Variants in RIT2 observed in about 807,000 individuals in gnomAD.
RIT2 encodes Ras like without CAAX 2.
Under a neutral mutation model 23.7 loss-of-function variants are expected in RIT2, and 24 were observed. That is an observed-to-expected ratio of 1.01 (90% CI 0.73 to 1.43). The LOEUF (loss-of-function observed/expected upper bound fraction) is 1.43. RIT2 is among the 40% of genes most tolerant of loss of function. The probability of loss-of-function intolerance (pLI) is 0.00; values close to 1 mark genes in which losing one functional copy is unlikely to be tolerated. For synonymous variants in RIT2, 107 were observed against 91.1 expected, an observed-to-expected ratio of 1.17 and a Z score of -0.99; for missense variants, 236 against 266.9, an observed-to-expected ratio of 0.88 and a Z score of 0.81.
intron 4 of RIT2, among the ~76,000 whole-genome samples, chr18:42,786,991 T>G: frequency 6.6e-6 from 1 of 152,008 alleles, no homozygotes. Context: ...TTTCAAAGAG[T>G]AAAATGAAAT....
chr18:42,990,321 C>A (rs995156909), intron 2 of RIT2, among the ~76,000 whole-genome samples: 15 of 152,148 alleles, frequency 9.9e-5, no homozygotes, highest in Admixed American at 6.5e-4. Context: ...TTAGGGAGGG[C>A]GATTTGCTTT....
chr18:42,918,629 C>T (rs1306555780), intron 4 of RIT2, among the ~76,000 whole-genome samples: 2 of 152,094 alleles, frequency 1.3e-5, no homozygotes, highest in African/African-American at 4.8e-5. Flanking sequence ...TACTGCATTA[C>T]ATTATATCCA....
chr18:43,027,242 C>T (rs1240131667), intron 2 of RIT2, among the ~76,000 whole-genome samples: 12 of 152,038 alleles, frequency 7.9e-5, no homozygotes, highest in Admixed American at 7.9e-4. Flanking sequence ...TCTGGTGGTA[C>T]ATTCAACTCT....
chr18:43,018,776 A>G (rs1911531763), intron 2 of RIT2, among the ~76,000 whole-genome samples: 2 of 152,086 alleles, frequency 1.3e-5, no homozygotes, highest in African/African-American at 4.8e-5. Context: ...ATTTGTCACC[A>G]CTAGACTAGC....
chr18:42,957,238 T>C (rs758423617), intron 3 of RIT2, among the ~76,000 whole-genome samples: 2 of 152,184 alleles, frequency 1.3e-5, no homozygotes, highest in Non-Finnish European at 2.9e-5. Context: ...AAAATATCCA[T>C]AATGCATCCT....
At position 43,071,884 on chromosome 18, in the gene RIT2, T is replaced by C. The variant is rs9954762; in HGVS notation, c.104-38017A>G. Reference sequence around the variant, plus strand: ...GTGAACTGGAAGCATACTATACCTTTTTTTGTTCATTTATTCCCCTTCTGA... The same window carrying C: ...GTGAACTGGAAGCATACTATACCTTCTTTTGTTCATTTATTCCCCTTCTGA... On this transcript the variant is annotated intron_variant, in intron 1 of 4. Coordinates refer to ENST00000326695, the MANE Select transcript of RIT2 (RefSeq NM_002930.4). Among the ~76,000 whole-genome samples, 1,388 of 152,252 alleles carry C rather than the reference T, an allele frequency of 9.1e-3. 38 individuals carry two copies. Among genetic ancestry groups the C allele is most frequent in the African/African-American group, 0.032 (1,322 of 41,546 alleles).
At chr18:42,963,064 T>C (rs768625911) in intron 3 of RIT2, among the ~76,000 whole-genome samples, 1 of 152,286 alleles carries the variant, frequency 6.6e-6, no homozygotes, top group South Asian at 2.1e-4. Context: ...CCACGTTCCT[T>C]GAATAGGAGC....
chr18:42,907,377 T>A (rs1343379412), intron 4 of RIT2, among the ~76,000 whole-genome samples: 1 of 152,124 alleles, frequency 6.6e-6, no homozygotes, highest in African/African-American at 2.4e-5. Flanking sequence ...TGGACAAGGA[T>A]CCTGCTTAGA....
chr18:42,844,810 G>A (rs559593694), intron 4 of RIT2, among the ~76,000 whole-genome samples: 60 of 152,264 alleles, frequency 3.9e-4, no homozygotes, highest in Middle Eastern at 3.4e-3. Context: ...ACCTTGGCTT[G>A]AAGGTGGGGT....
At chr18:42,926,902 T>A (rs962457991) in intron 3 of RIT2, among the ~76,000 whole-genome samples, 2 of 151,942 alleles carry the variant, frequency 1.3e-5, no homozygotes, top group African/African-American at 4.8e-5. Flanking sequence ...CCTCTAGGAC[T>A]GTTACTTACT....
At chr18:43,025,215 A>C (rs1911685611) in intron 2 of RIT2, among the ~76,000 whole-genome samples, 2 of 148,074 alleles carry the variant, frequency 1.4e-5, no homozygotes, top group African/African-American at 5.0e-5. Context: ...TCTAAAAAAA[A>C]CAAAACAAAA....
chr18:43,047,556 C>G (rs546749149), intron 1 of RIT2, among the ~76,000 whole-genome samples: 1 of 151,908 alleles, frequency 6.6e-6, no homozygotes, highest in Non-Finnish European at 1.5e-5. Context: ...TCTCTTGATA[C>G]GCTTTTCAGT....
At chr18:42,888,304 T>TA (rs949500197) in intron 4 of RIT2, among the ~76,000 whole-genome samples, 8 of 151,980 alleles carry the variant, frequency 5.3e-5, no homozygotes, top group African/African-American at 1.9e-4. Context: ...AAAACTTCTC[T>TA]AAAAAAACAA....
chr18:42,900,885 T>G (rs749788109), intron 4 of RIT2, among the ~76,000 whole-genome samples: 11 of 152,024 alleles, frequency 7.2e-5, no homozygotes, highest in Non-Finnish European at 1.2e-4. Context: ...TCTCAAAGTG[T>G]GAAACACAGA....
intron 1 of RIT2, among the ~76,000 whole-genome samples, chr18:43,114,091 G>C (rs897027618): frequency 6.6e-6 from 1 of 152,008 alleles, no homozygotes; most frequent in Non-Finnish European, 1.5e-5. Flanking sequence ...TATATTTAGA[G>C]GAGAAAGCTT....
At chr18:42,974,571 C>A (rs984790589) in intron 2 of RIT2, among the ~76,000 whole-genome samples, 1 of 151,846 alleles carries the variant, frequency 6.6e-6, no homozygotes, top group Non-Finnish European at 1.5e-5. Flanking sequence ...GAAGTCATAG[C>A]CAGAACAATT....
At chr18:43,005,345 C>A (rs1911202802) in intron 2 of RIT2, among the ~76,000 whole-genome samples, 1 of 151,780 alleles carries the variant, frequency 6.6e-6, no homozygotes, top group Non-Finnish European at 1.5e-5. Context: ...CATATACAAA[C>A]AGTTGTTTAC....
chr18:42,887,321 A>G (rs1388927552), intron 4 of RIT2, among the ~76,000 whole-genome samples: 4 of 152,226 alleles, frequency 2.6e-5, no homozygotes, highest in Non-Finnish European at 5.9e-5. Context: ...TATTTCAAAA[A>G]ACATCATGTT....
At chr18:42,918,737 T>C (rs1331461259) in intron 4 of RIT2, among the ~76,000 whole-genome samples, 1 of 152,192 alleles carries the variant, frequency 6.6e-6, no homozygotes, top group Non-Finnish European at 1.5e-5. Context: ...ATGTGTGTAC[T>C]AGGCAGATTT....
Sources: allele counts gnomAD v4.1 joint callset (sites outside exome capture counted in the v4.1 genomes callset), GRCh38; gene constraint gnomAD v4.1.1; transcripts MANE v1.5; gene names NCBI Gene and HGNC (gene_info 2026-07-23, HGNC 2026-07-21).